BTBD9: variants seen among roughly 807,000 people sequenced by gnomAD.
BTBD9 encodes BTB domain containing 9.
A neutral mutation model predicts 64.3 loss-of-function variants in BTBD9; 49 were observed. The observed-to-expected ratio is 0.76, with a 90% CI of 0.61 to 0.97. The LOEUF (loss-of-function observed/expected upper bound fraction) is 0.97, where lower values mean the gene tolerates loss of function less well. Among genes scored for constraint, BTBD9 ranks in the 50% least tolerant of loss-of-function variants. BTBD9 has a pLI of 0.00. For missense variants in BTBD9, 598 were observed against 762.1 expected (o/e 0.78, Z 2.53); for synonymous variants, 260 against 274.7 (o/e 0.95, Z 0.53).
At chr6:38,629,381 A>C (rs1778284608) in intron 1 of BTBD9, among the ~76,000 whole-genome samples, 2 of 152,238 alleles carry the variant, frequency 1.3e-5, no homozygotes, top group South Asian at 4.1e-4. Context: ...AAGTGATCAA[A>C]ATTAACATCA....
At chr6:38,281,804 C>T (rs1279857173) in intron 8 of BTBD9, among the ~76,000 whole-genome samples, 2 of 152,084 alleles carry the variant, frequency 1.3e-5, no homozygotes, top group South Asian at 2.1e-4. Flanking sequence ...TTTTGACACC[C>T]TATTTACTAT....
intron 1 of BTBD9, among the ~76,000 whole-genome samples, chr6:38,616,667 G>A (rs778916008): frequency 1.3e-5 from 2 of 152,130 alleles, no homozygotes; most frequent in African/African-American, 2.4e-5. Flanking sequence ...GTAGCCAATC[G>A]CGGGGAGGAC....
At chr6:38,429,103 C>T (rs957083297) in intron 6 of BTBD9, among the ~76,000 whole-genome samples, 1 of 151,602 alleles carries the variant, frequency 6.6e-6, no homozygotes, top group African/African-American at 2.4e-5. Flanking sequence ...CAGGAGAGAG[C>T]CAAGAGCAAA....
intron 6 of BTBD9, among the ~76,000 whole-genome samples, chr6:38,404,600 C>CTG (rs1380339796): frequency 3.9e-5 from 6 of 152,286 alleles, no homozygotes; most frequent in Admixed American, 1.3e-4. Context: ...CTGAGCCTGC[C>CTG]TGGCATGCAT....
chr6:38,408,939 T>C (rs1198650235), intron 6 of BTBD9, among the ~76,000 whole-genome samples: 1 of 152,134 alleles, frequency 6.6e-6, no homozygotes, highest in African/African-American at 2.4e-5. Context: ...ACCAGTGCTA[T>C]AGAAAAAGAC....
At chr6:38,293,949 AC>A (rs1239349478) in intron 7 of BTBD9, among the ~76,000 whole-genome samples, 1 of 152,220 alleles carries the variant, frequency 6.6e-6, no homozygotes, top group Non-Finnish European at 1.5e-5. Flanking sequence ...TCCAGAATCT[AC>A]AAGGAACTTC....
rs541398932 is a variant in BTBD9, at chr6:38,342,395, G to C, written c.1264+2589C>G. ...AACTAAAAATACAAAAATTAGCCAG[G>C]CGTTGTGGCCGACACCTGTAGTCCC... On this transcript the variant is annotated intron_variant, in intron 7 of 10. Transcript: ENST00000481247. Among the ~76,000 whole-genome samples, 4 of 152,006 alleles carry C rather than the reference G, an allele frequency of 2.6e-5. No homozygotes were observed. In the South Asian group the frequency reaches 8.3e-4, roughly 32 times the overall value.
intron 6 of BTBD9, among the ~76,000 whole-genome samples, chr6:38,415,524 T>C (rs1582392233): frequency 6.6e-6 from 1 of 152,144 alleles, no homozygotes. Flanking sequence ...CTTCCAGAAC[T>C]CCAGGATAAT....
intron 8 of BTBD9, among the ~76,000 whole-genome samples, chr6:38,285,135 T>C (rs1287787237): frequency 6.6e-6 from 1 of 152,018 alleles, no homozygotes; most frequent in Non-Finnish European, 1.5e-5. Context: ...GGTGTGGCCA[T>C]ATCAGATGTG....
In BTBD9 at chr6:38,223,294, C is replaced by A. The variant is rs142553265; in HGVS notation, c.1563-30697G>T. Among the ~76,000 whole-genome samples the A allele has an allele frequency of 4.3e-3, 652 of 152,242 alleles. 2 individuals are homozygous for A. Among genetic ancestry groups the A allele is most frequent in the Admixed American group, 7.4e-3 (113 of 15,280 alleles). Reference sequence around the variant, plus strand: ...GAAACTAGAGCATTAAATAATCACCCTTCTAAATATGGAAAGGTTTTCCTG... The same window carrying A: ...GAAACTAGAGCATTAAATAATCACCATTCTAAATATGGAAAGGTTTTCCTG... On this transcript the variant is annotated intron_variant, in intron 9 of 10. Transcript: ENST00000481247.
chr6:38,265,442 T>C (rs1301757629), intron 8 of BTBD9, among the ~76,000 whole-genome samples: 2 of 151,792 alleles, frequency 1.3e-5, no homozygotes. Flanking sequence ...GATATAACTG[T>C]GGAAAGCTGG....
chr6:38,186,725 G>A (rs1761834968), intron 10 of BTBD9, among the ~76,000 whole-genome samples: 1 of 152,202 alleles, frequency 6.6e-6, no homozygotes, highest in African/African-American at 2.4e-5. Context: ...TGGAACCTGA[G>A]AGCTGCCTAA....
chr6:38,560,863 A>C (rs986159847), intron 6 of BTBD9, among the ~76,000 whole-genome samples: 3 of 152,092 alleles, frequency 2.0e-5, no homozygotes, highest in Non-Finnish European at 4.4e-5. Context: ...TTAGTTTGTT[A>C]AAGATAATGG....
intron 4 of BTBD9, among the ~76,000 whole-genome samples, chr6:38,591,822 TATC>T (rs1776803612): frequency 6.6e-6 from 1 of 152,310 alleles, no homozygotes; most frequent in Admixed American, 6.5e-5. Context: ...TGGTGATAAG[TATC>T]ATAAGTGTTA....
intron 3 of BTBD9, among the ~76,000 whole-genome samples, chr6:38,593,170 G>T (rs970642568): frequency 1.1e-4 from 17 of 152,330 alleles, no homozygotes; most frequent in South Asian, 8.3e-4. Context: ...CTTCAAGAGA[G>T]TGTACATTGT....
chr6:38,309,633 A>G (rs558324805), intron 7 of BTBD9, among the ~76,000 whole-genome samples: 2 of 151,754 alleles, frequency 1.3e-5, no homozygotes, highest in Admixed American at 6.6e-5. Flanking sequence ...GGATGGTCTC[A>G]ATCTCCTGAC....
intron 7 of BTBD9, among the ~76,000 whole-genome samples, chr6:38,341,614 G>A (rs1764102929): frequency 6.6e-6 from 1 of 152,234 alleles, no homozygotes; most frequent in Admixed American, 6.5e-5. Flanking sequence ...TATCACCAAA[G>A]TGGAGTGCTA....
At chr6:38,256,945 G>T (rs1354773731) in intron 8 of BTBD9, among the ~76,000 whole-genome samples, 1 of 152,082 alleles carries the variant, frequency 6.6e-6, no homozygotes, top group Non-Finnish European at 1.5e-5. Context: ...GCAGTGGTGT[G>T]ATCAGTGGAG....
chr6:38,224,471 C>T (rs1224127329), intron 9 of BTBD9, among the ~76,000 whole-genome samples: 2 of 152,160 alleles, frequency 1.3e-5, no homozygotes, highest in African/African-American at 4.8e-5. Flanking sequence ...GGGAAGAGGA[C>T]CCTTGGGGTA....
Sources: allele counts gnomAD v4.1 joint callset (sites outside exome capture counted in the v4.1 genomes callset), GRCh38; gene constraint gnomAD v4.1.1; transcripts MANE v1.5; gene names NCBI Gene and HGNC (gene_info 2026-07-23, HGNC 2026-07-21).